Variants in TENM3 observed in about 807,000 individuals in gnomAD.
TENM3 encodes the protein teneurin-3.
A neutral mutation model predicts 255.1 loss-of-function variants in TENM3; 63 were observed. The ratio of observed to expected loss-of-function variants is 0.25; its 90% CI spans 0.20 to 0.30. The LOEUF is 0.30. Ranked by LOEUF, TENM3 falls within the 10% of genes least tolerant of loss-of-function variation. The pLI is 1.00. For missense variants in TENM3, 2,929 were observed against 3,461.1 expected (o/e 0.85, Z 3.86); for synonymous variants, 1,306 against 1,322.3 (o/e 0.99, Z 0.27).
chr4:181,830,305 G>A, the TENM3 span, among the ~76,000 whole-genome samples: 3 of 152,106 alleles, frequency 2.0e-5, no homozygotes, highest in Non-Finnish European at 4.4e-5. Flanking sequence ...GTCTTGCTCT[G>A]TCACCCAGGC....
chr4:181,615,909 C>T, the TENM3 span, among the ~76,000 whole-genome samples: 2 of 152,126 alleles, frequency 1.3e-5, no homozygotes, highest in African/African-American at 4.8e-5. Context: ...AAGAAGTTTA[C>T]TGTGAGAAAA....
intron 1 of TENM3, among the ~76,000 whole-genome samples, chr4:182,211,390 A>G (rs4861499): frequency 0.22 from 33,001 of 152,160 alleles, 4,453 homozygotes; most frequent in Admixed American, 0.34. Flanking sequence ...CCATAATTCA[A>G]TATTAACCAC....
At chr4:181,684,918 CTTTT>C in the TENM3 span, among the ~76,000 whole-genome samples, 32 of 45,048 alleles carry the variant, frequency 7.1e-4, no homozygotes, top group African/African-American at 2.3e-3. Flanking sequence ...CCGTGCCTGG[CTTTT>C]TTTTTTTTTT....
chr4:181,525,396 C>CAAAAAA, the TENM3 span, among the ~76,000 whole-genome samples: 8 of 97,286 alleles, frequency 8.2e-5, no homozygotes, highest in South Asian at 1.2e-3. Context: ...GACCCTGTTT[C>CAAAAAA]AAAAAAAAAA....
chr4:181,892,625 C>T, the TENM3 span, among the ~76,000 whole-genome samples: 5 of 152,168 alleles, frequency 3.3e-5, no homozygotes, highest in African/African-American at 1.2e-4. Flanking sequence ...GCACTCCTAG[C>T]CACCTTGGCC....
intron 1 of TENM3, among the ~76,000 whole-genome samples, chr4:182,320,117 A>C (rs1762961494): frequency 6.6e-6 from 1 of 152,170 alleles, no homozygotes; most frequent in South Asian, 2.1e-4. Flanking sequence ...CGTCTAAAAA[A>C]AAAAAAATCC....
At chr4:181,628,308 C>A in the TENM3 span, among the ~76,000 whole-genome samples, 1 of 152,138 alleles carries the variant, frequency 6.6e-6, no homozygotes, top group Non-Finnish European at 1.5e-5. Context: ...ATGGTAGTTT[C>A]TTTTGCTGTG....
chr4:182,093,763 A>C, the TENM3 span, among the ~76,000 whole-genome samples: 1 of 152,106 alleles, frequency 6.6e-6, no homozygotes, highest in South Asian at 2.1e-4. Flanking sequence ...CCACCAGGGC[A>C]CGCTTCCACG....
At chr4:182,249,608 G>A (rs1401318509) in intron 1 of TENM3, among the ~76,000 whole-genome samples, 1 of 152,102 alleles carries the variant, frequency 6.6e-6, no homozygotes, top group African/African-American at 2.4e-5. Context: ...CAACGAATGG[G>A]GTGGGAAATG....
At chr4:181,551,524 C>T in the TENM3 span, among the ~76,000 whole-genome samples, 4 of 152,094 alleles carry the variant, frequency 2.6e-5, no homozygotes, top group South Asian at 2.1e-4. Context: ...ATTTGAGCTT[C>T]GGCAACCACT....
intron 3 of TENM3, among the ~76,000 whole-genome samples, chr4:182,457,041 C>T (rs560452183): frequency 7.0e-4 from 106 of 151,906 alleles, no homozygotes; most frequent in African/African-American, 2.5e-3. Context: ...ACAAATTAGC[C>T]GGGCGTGGTG....
At chr4:182,536,643 A>C (rs1439058168) in intron 3 of TENM3, among the ~76,000 whole-genome samples, 1 of 152,144 alleles carries the variant, frequency 6.6e-6, no homozygotes, top group South Asian at 2.1e-4. Context: ...CCAGCCTCCT[A>C]TGTTTTCCTG....
chr4:181,908,005 T>C, the TENM3 span, among the ~76,000 whole-genome samples: 1 of 152,206 alleles, frequency 6.6e-6, no homozygotes, highest in African/African-American at 2.4e-5. Context: ...CAACGTGTAT[T>C]TTTGACTCGA....
At position 182,792,471 on chromosome 4, in the gene TENM3, G is replaced by C. The variant is rs1213643860; in HGVS notation, c.5799G>C (p.Leu1933=). Residue 1933 remains leucine (L), a synonymous_variant, in exon 26 of 28, where the codon CTG becomes CTC. Coordinates refer to ENST00000511685, the MANE Select transcript of TENM3 (RefSeq NM_001080477.4). This position sits in a 1 kb window ranked among gnomAD's most constrained non-coding sequence, Gnocchi z 6.3. ...SIITDYNEEG[L]LLQTAFLGTS... ...TCACGGACTACAACGAGGAAGGGCTGCTTCTACAAACAGCTTTCTTGGGTA... is the reference window on the plus strand; with the variant it reads ...TCACGGACTACAACGAGGAAGGGCTCCTTCTACAAACAGCTTTCTTGGGTA... 1 of 1,614,036 alleles carries C rather than the reference G, an allele frequency of 6.2e-7. No homozygotes were observed. Among genetic ancestry groups the C allele is most frequent in the South Asian group, 1.1e-5 (1 of 91,086 alleles).
At chr4:182,159,594 G>A (rs1049808507) in intron 1 of TENM3, among the ~76,000 whole-genome samples, 3 of 152,070 alleles carry the variant, frequency 2.0e-5, no homozygotes, top group East Asian at 3.9e-4. Context: ...GCTGTATTTG[G>A]CCTGTCACCT....
chr4:182,680,438 G>A (rs1756066523), intron 9 of TENM3, 89 bp downstream of exon 9: 1 of 1,287,014 alleles, frequency 7.8e-7, no homozygotes, highest in Non-Finnish European at 1.1e-6. Context: ...AGGAAAGAAA[G>A]GGGGGGGGAG....
intron 1 of TENM3, among the ~76,000 whole-genome samples, chr4:182,263,450 T>C (rs1759003422): frequency 6.6e-6 from 1 of 152,144 alleles, no homozygotes. Context: ...CCCCTCTCTA[T>C]AAAGTCCGCC....
At chr4:182,283,841 C>G (rs930696065) in intron 1 of TENM3, among the ~76,000 whole-genome samples, 1 of 151,964 alleles carries the variant, frequency 6.6e-6, no homozygotes, top group Non-Finnish European at 1.5e-5. Flanking sequence ...TATTTTTCTT[C>G]GATTTCTGAC....
At chr4:182,217,254 C>T (rs1755546113) in intron 1 of TENM3, among the ~76,000 whole-genome samples, 2 of 152,022 alleles carry the variant, frequency 1.3e-5, no homozygotes, top group South Asian at 4.2e-4. Flanking sequence ...ATCCTGAACT[C>T]AGGTGATCCA....
Sources: gnomAD v4.1 joint callset for allele counts (sites outside exome capture counted in the v4.1 genomes callset) on GRCh38, gnomAD v4.1.1 for gene constraint, Gnocchi (gnomAD v3.1) non-coding constraint, MANE v1.5 for transcripts, NCBI Gene and HGNC (gene_info 2026-07-23, HGNC 2026-07-21) for gene names.